TNRC18: variants seen among roughly 807,000 people sequenced by gnomAD.
TNRC18 encodes the protein trinucleotide repeat containing 18.
TNRC18 carries 69 observed loss-of-function variants against 226.7 expected under a neutral mutation model. That is an observed-to-expected ratio of 0.30 (90% CI 0.25 to 0.37). The LOEUF (loss-of-function observed/expected upper bound fraction) is 0.37. TNRC18 is among the 10% of genes least tolerant of loss of function. TNRC18 has a pLI of 1.00. For missense variants in TNRC18, 4,754 were observed against 4,256.6 expected, an observed-to-expected ratio of 1.12 and a Z score of -3.25; for synonymous variants, 2,449 against 1,927.6, an observed-to-expected ratio of 1.27 and a Z score of -7.09.
chr7:5,318,709 A>G (rs957987842), intron 24 of TNRC18, among the ~76,000 whole-genome samples: 1 of 152,194 alleles, frequency 6.6e-6, no homozygotes, highest in African/African-American at 2.4e-5. Context: ...TGGAATCACA[A>G]TGTTGAATGT....
chr7:5,346,090 A>C (rs1791165393), intron 17 of TNRC18, among the ~76,000 whole-genome samples: 1 of 152,202 alleles, frequency 6.6e-6, no homozygotes, highest in Non-Finnish European at 1.5e-5. Flanking sequence ...ACCAACATGC[A>C]CCTGTGCTGT....
intron 13 of TNRC18, 55 bp from the exon 14 acceptor site, chr7:5,361,777 G>T: frequency 6.5e-7 from 1 of 1,543,474 alleles, no homozygotes; most frequent in Non-Finnish European, 8.7e-7. Flanking sequence ...GGGGCGCGGA[G>T]AACGGGCACA....
chr7:5,398,560 C>T lies in TNRC18; in HGVS notation c.188-3965G>A, dbSNP rs1780863333. On this transcript the variant is annotated intron_variant, in intron 2 of 29. Coordinates refer to ENST00000430969, the MANE Select transcript of TNRC18 (RefSeq NM_001080495.3). ...TCTCAAACTGCAGGCCTCAAGCAAT[C>T]CTCCTGCCTTGGCCTCCCAAAGTGC... Among the ~76,000 whole-genome samples the T allele has an allele frequency of 3.3e-5, 5 of 152,010 alleles. 1 individual carries two copies. In the South Asian group the frequency reaches 1.0e-3, roughly 32 times the overall value.
intron 14 of TNRC18, among the ~76,000 whole-genome samples, chr7:5,360,509 C>T (rs1353702493): frequency 6.6e-6 from 1 of 152,142 alleles, no homozygotes; most frequent in Non-Finnish European, 1.5e-5. Context: ...GGATTACAGG[C>T]GTGAGCCACC....
chr7:5,345,662 G>A lies in TNRC18; in HGVS notation c.5619C>T (p.Ala1873=). ...CCACCGTGGGGCTGGGGAGGGCGCT[G>A]GCGGCGAAGCGTGCCAGCAGGCCCA... ...SGLGLLARFA[A]SALPSPTVGP... The change falls in exon 18 of 30, where the codon GCC becomes GCT. Residue 1873 remains alanine, a synonymous_variant. Coordinates refer to ENST00000430969, the MANE Select transcript of TNRC18 (RefSeq NM_001080495.3). 2 of 1,553,170 alleles carry A rather than the reference G, an allele frequency of 1.3e-6. No homozygotes were observed. Among genetic ancestry groups the A allele is most frequent in the East Asian group, 2.4e-5 (1 of 41,160 alleles).
chr7:5,380,134 T>C (rs995485636), intron 5 of TNRC18, among the ~76,000 whole-genome samples: 8 of 151,968 alleles, frequency 5.3e-5, no homozygotes, highest in Non-Finnish European at 7.4e-5. Flanking sequence ...CACCCCCAAA[T>C]ACCAGGAGCT....
intron 18 of TNRC18, among the ~76,000 whole-genome samples, chr7:5,344,426 T>C (rs1790966147): frequency 1.3e-5 from 2 of 152,106 alleles, no homozygotes; most frequent in African/African-American, 2.4e-5. Flanking sequence ...TTTCCAGGAC[T>C]GCCAGGCCTG....
chr7:5,371,166 G>T lies in TNRC18; in HGVS notation c.3428C>A (p.Pro1143Gln). Residue 1143 changes from proline to glutamine, a missense_variant, in exon 11 of 30, where the codon CCG (proline) becomes CAG (glutamine). Physicochemically the swap from Pro to Gln is moderately conservative, Grantham distance 76. Coordinates refer to ENST00000430969, the MANE Select transcript of TNRC18 (RefSeq NM_001080495.3). ...TTCTTCCTCCGGGCCCTCCCGCAGCGGCTCTGTGATCTTGGAGGGGGACAA... is the reference window on the plus strand; with the variant it reads ...TTCTTCCTCCGGGCCCTCCCGCAGCTGCTCTGTGATCTTGGAGGGGGACAA... ...IRLSPSKITE[P>Q]LREGPEEEPL... The T allele has an allele frequency of 6.2e-7, 1 of 1,607,500 alleles. No individual in the cohort carries two copies. Among genetic ancestry groups the T allele is most frequent in the Non-Finnish European group, 8.5e-7 (1 of 1,175,420 alleles).
intron 5 of TNRC18, among the ~76,000 whole-genome samples, chr7:5,385,966 G>C (rs557894135): frequency 9.0e-6 from 1 of 111,346 alleles, no homozygotes; most frequent in African/African-American, 3.7e-5. Flanking sequence ...CTGGGCAACA[G>C]AGCAAAAGTC....
At chr7:5,376,821 G>T in intron 8 of TNRC18, 26 bp downstream of exon 8, 1 of 1,604,472 alleles carries the variant, frequency 6.2e-7, no homozygotes, top group South Asian at 1.1e-5. Flanking sequence ...TCTGGCCCAT[G>T]GTGGCCACAT....
rs1414459269 is a variant in TNRC18 at position 5,357,125 on chromosome 7, C to T, written c.4985G>A (p.Cys1662Tyr). Residue 1662 changes from cysteine to tyrosine, a missense_variant, in exon 16 of 30, where the codon TGC (cysteine) becomes TAC (tyrosine). Physicochemically the swap from Cys to Tyr is radical, Grantham distance 194. Coordinates refer to ENST00000430969, the MANE Select transcript of TNRC18 (RefSeq NM_001080495.3). ...AGGKSKTSGG[C>Y]GRYLTPYDSL... ...GTCGTAAGGAGTCAAGTACCTGCCG[C>T]AGCCCCCGCTAGTTTTCGATTTCCC... 1.3e-6 allele frequency: 2 copies of T among 1,556,556 alleles called. No individual in the cohort carries two copies. Among genetic ancestry groups the T allele is most frequent in the Non-Finnish European group, 8.7e-7 (1 of 1,149,384 alleles).
intron 26 of TNRC18, among the ~76,000 whole-genome samples, 193 bp downstream of exon 26, chr7:5,314,791 T>C (rs1787675346): frequency 6.6e-6 from 1 of 152,142 alleles, no homozygotes; most frequent in South Asian, 2.1e-4. Flanking sequence ...CAGACTGGTC[T>C]TGAACTCCTG....
chr7:5,414,635 A>T (rs2128221106), intron 2 of TNRC18, among the ~76,000 whole-genome samples: 1 of 151,874 alleles, frequency 6.6e-6, no homozygotes, highest in East Asian at 2.0e-4. Flanking sequence ...GATGGTCTCG[A>T]TCTCCTGACC....
At chr7:5,341,685 AC>A (rs1451480630) in intron 18 of TNRC18, among the ~76,000 whole-genome samples, 1 of 149,750 alleles carries the variant, frequency 6.7e-6, no homozygotes, top group African/African-American at 2.5e-5. Context: ...AATCGCTTGA[AC>A]CTGGGAGGCG....
Position 5,316,075 on chromosome 7 carries a change from G to A in TNRC18, c.6746-3C>T. On this transcript the variant is annotated splice_polypyrimidine_tract_variant and splice_region_variant and intron_variant, in intron 24 of 29. Coordinates refer to ENST00000430969, the MANE Select transcript of TNRC18 (RefSeq NM_001080495.3). ...ATCGTCCTCCAGGTCCAGTAACCCT[G>A]TGGGAAGAGGGGAGGCTCAGGGGAG... is the stretch of plus-strand genomic sequence containing the variant. The A allele has an allele frequency of 6.2e-7, 1 of 1,610,400 alleles. No homozygotes were observed. The highest frequency in any genetic ancestry group is 8.5e-7 in the Non-Finnish European group (1 of 1,178,160).
At chr7:5,326,829 GAAA>G (rs1173549162) in intron 19 of TNRC18, among the ~76,000 whole-genome samples, 2 of 132,402 alleles carry the variant, frequency 1.5e-5, no homozygotes, top group East Asian at 4.6e-4. Flanking sequence ...TAAAATTAAG[GAAA>G]AAAAAAAAAA....
intron 18 of TNRC18, among the ~76,000 whole-genome samples, 169 bp downstream of exon 18, chr7:5,345,391 CCT>C (rs1461419248): frequency 1.3e-5 from 2 of 152,206 alleles, no homozygotes; most frequent in Non-Finnish European, 1.5e-5. Context: ...GGCCAGGGCC[CCT>C]GTCGCGAGCA....
At chr7:5,419,894 C>G (rs1028979783) in intron 2 of TNRC18, 3 of 153,796 alleles carry the variant, frequency 2.0e-5, no homozygotes, top group Admixed American at 1.9e-4. Context: ...GAGGTGGCAG[C>G]TCCTGAGAGA....
Position 5,374,163 on chromosome 7 carries a change from GC to G in TNRC18, c.3120del (p.Thr1042ProfsTer117). On this transcript the variant is annotated frameshift_variant, in exon 10 of 30. Coordinates refer to ENST00000430969, the MANE Select transcript of TNRC18 (RefSeq NM_001080495.3). LOFTEE classifies it high-confidence loss of function. ...TCCTTGCGGGTGATACCCGGGGTGG[GC>G]GGTGGGGAGGCGGGCGGCGGGCTGG... ...HPTSPPPASP[P>X]PTPGITRKEE... is the part of the protein sequence containing the mutation. 6.8e-7 allele frequency: 1 copy of G among 1,466,688 alleles called. No homozygotes were observed. Among genetic ancestry groups the G allele is most frequent in the Non-Finnish European group, 9.0e-7 (1 of 1,111,474 alleles). 90.9% of individuals were successfully genotyped at this position (1,466,688 alleles called of 1,614,324 possible).
Sources: allele counts gnomAD v4.1 joint callset (sites outside exome capture counted in the v4.1 genomes callset), GRCh38; gene constraint gnomAD v4.1.1; transcripts MANE v1.5; gene names NCBI Gene and HGNC (gene_info 2026-07-23, HGNC 2026-07-21).